The following FAF1 variants were observed in gnomAD, a reference collection of about 807,000 sequenced individuals.
FAF1 encodes FAS-associated factor 1.
FAF1 carries 25 observed loss-of-function variants against 92.5 expected under a neutral mutation model. That is an observed-to-expected ratio of 0.27 (90% CI 0.20 to 0.38). The LOEUF is 0.38. Among genes scored for constraint, FAF1 ranks in the 10% least tolerant of loss-of-function variants. FAF1 has a pLI of 1.00. For missense variants in FAF1, 636 were observed against 793.3 expected, an observed-to-expected ratio of 0.80 and a Z score of 2.38; for synonymous variants, 234 against 273.2, an observed-to-expected ratio of 0.86 and a Z score of 1.42.
In FAF1 at chr1:50,641,707, CA is replaced by C. The variant is rs146555629; in HGVS notation, c.744+13734del. Among the ~76,000 whole-genome samples the C allele has an allele frequency of 5.3e-3, 807 of 152,206 alleles. 9 individuals carry two copies. Among genetic ancestry groups the C allele is most frequent in the African/African-American group, 0.019 (771 of 41,532 alleles). On this transcript the variant is annotated intron_variant, in intron 8 of 18. Transcript: ENST00000396153. ...TTTAAATTAGGCAAAGTTGATTAAT[CA>C]TGTTGGCCAAATCTACATTCTTACC...
intron 4 of FAF1, among the ~76,000 whole-genome samples, chr1:50,760,591 G>C (rs1428411650): frequency 6.6e-6 from 1 of 151,990 alleles, no homozygotes; most frequent in African/African-American, 2.4e-5. Context: ...ATGACTACTG[G>C]GTACCTAACG....
chr1:50,917,624 AAAAGGAAAGG>A (rs149219997), intron 1 of FAF1, among the ~76,000 whole-genome samples: 11,164 of 72,096 alleles, frequency 0.15, 851 homozygotes, highest in African/African-American at 0.19. Context: ...AGGGAAAGGA[AAAAGGAAAGG>A]AAAGGAAAGG....
intron 1 of FAF1, among the ~76,000 whole-genome samples, chr1:50,859,281 A>G (rs893127702): frequency 1.1e-4 from 17 of 151,912 alleles, no homozygotes; most frequent in Admixed American, 1.1e-3. Context: ...ACCAAGAGAA[A>G]GAAATAAAAG....
intron 3 of FAF1, among the ~76,000 whole-genome samples, chr1:50,800,120 G>A (rs1358146638): frequency 6.6e-6 from 1 of 152,072 alleles, no homozygotes; most frequent in Non-Finnish European, 1.5e-5. Context: ...GTAACTTTAT[G>A]AGAAATCAGT....
At chr1:50,693,588 C>T (rs1425681303) in intron 7 of FAF1, among the ~76,000 whole-genome samples, 3 of 151,994 alleles carry the variant, frequency 2.0e-5, no homozygotes, top group Middle Eastern at 3.4e-3. Flanking sequence ...GTAGCATATG[C>T]ATATAAGGTA....
chr1:50,871,415 G>T (rs548898552), intron 1 of FAF1, among the ~76,000 whole-genome samples: 7 of 152,320 alleles, frequency 4.6e-5, no homozygotes, highest in Admixed American at 4.6e-4. Flanking sequence ...TCAATGCCTG[G>T]CTTCAAAGCT....
intron 14 of FAF1, among the ~76,000 whole-genome samples, chr1:50,538,514 T>G (rs905786756): frequency 6.6e-6 from 1 of 151,366 alleles, no homozygotes; most frequent in Non-Finnish European, 1.5e-5. Context: ...AACTATTCCT[T>G]TTGAGCCACT....
intron 7 of FAF1, among the ~76,000 whole-genome samples, chr1:50,704,486 C>A (rs1243912625): frequency 1.3e-5 from 2 of 152,020 alleles, no homozygotes; most frequent in African/African-American, 4.8e-5. Context: ...TTCACATATA[C>A]AATTTAGATT....
intron 2 of FAF1, among the ~76,000 whole-genome samples, chr1:50,803,292 C>T (rs1662068787): frequency 6.6e-6 from 1 of 152,068 alleles, no homozygotes; most frequent in Non-Finnish European, 1.5e-5. Flanking sequence ...AGATTTGGTT[C>T]AAATCTTTCA....
At chr1:50,723,892 G>A (rs1398715206) in intron 6 of FAF1, among the ~76,000 whole-genome samples, 2 of 152,020 alleles carry the variant, frequency 1.3e-5, no homozygotes, top group Non-Finnish European at 2.9e-5. Flanking sequence ...GGGATTACAG[G>A]CACCTGCCAC....
At chr1:50,720,205 T>C (rs916921323) in intron 6 of FAF1, among the ~76,000 whole-genome samples, 30 of 152,182 alleles carry the variant, frequency 2.0e-4, no homozygotes, top group Non-Finnish European at 3.1e-4. Context: ...GTTTGCCATG[T>C]TGGCCAGGCT....
chr1:50,733,356 C>A (rs751141989), intron 6 of FAF1, among the ~76,000 whole-genome samples: 1 of 152,184 alleles, frequency 6.6e-6, no homozygotes, highest in African/African-American at 2.4e-5. Context: ...ATTATTACAC[C>A]TTTCCTACTG....
chr1:50,819,668 A>ACACACACACACACACT (rs1484881359), intron 2 of FAF1, among the ~76,000 whole-genome samples: 3 of 118,898 alleles, frequency 2.5e-5, no homozygotes, highest in African/African-American at 1.0e-4. Context: ...ACACACACAC[A>ACACACACACACACACT]CTCTCTCTCT....
intron 2 of FAF1, chr1:50,846,846 G>A (rs1644305906): frequency 1.7e-6 from 1 of 579,688 alleles, no homozygotes; most frequent in African/African-American, 1.9e-5. Flanking sequence ...GAAGTGAGAA[G>A]ATTCACCAGG....
At chr1:50,635,674 C>A (rs531892432) in intron 8 of FAF1, among the ~76,000 whole-genome samples, 150 of 152,320 alleles carry the variant, frequency 9.8e-4, no homozygotes, top group Non-Finnish European at 1.9e-3. Flanking sequence ...TGGTCTCAAA[C>A]CGCTAAGCTC....
At chr1:50,445,437 G>A (rs987712748) in intron 18 of FAF1, among the ~76,000 whole-genome samples, 1 of 152,112 alleles carries the variant, frequency 6.6e-6, no homozygotes, top group Non-Finnish European at 1.5e-5. Context: ...TTTGGAACCC[G>A]CTACATTACA....
chr1:50,648,297 G>A (rs1048371224), intron 8 of FAF1, among the ~76,000 whole-genome samples: 5 of 151,902 alleles, frequency 3.3e-5, no homozygotes, highest in African/African-American at 9.7e-5. Context: ...AAAACAAAAA[G>A]GTCTTCAAGG....
rs527569399 is a variant in FAF1 at position 50,719,680 on chromosome 1, C to T, written c.552-13789G>A. 2.2e-4 allele frequency among the ~76,000 whole-genome samples: 34 copies of T among 152,272 alleles called. No homozygotes were observed. The South Asian group carries it at 6.8e-3, about 31-fold the overall frequency. ...ACTGTCAAAACACAATTCTAACCAT[C>T]TAGACAAAATTTGAAAAAAGCAAAG... On this transcript the variant is annotated intron_variant, in intron 6 of 18. Coordinates refer to ENST00000396153, the MANE Select transcript of FAF1 (RefSeq NM_007051.3).
chr1:50,792,662 C>T (rs1661605967), intron 3 of FAF1, among the ~76,000 whole-genome samples: 2 of 152,324 alleles, frequency 1.3e-5, no homozygotes, highest in South Asian at 4.1e-4. Context: ...CCATCCTATA[C>T]ATCATCCATG....
Sources: gnomAD v4.1 joint callset for allele counts (sites outside exome capture counted in the v4.1 genomes callset) on GRCh38, gnomAD v4.1.1 for gene constraint, MANE v1.5 for transcripts, NCBI Gene and HGNC (gene_info 2026-07-23, HGNC 2026-07-21) for gene names.